The following ZNF536 variants were observed in gnomAD, a reference collection of about 807,000 sequenced individuals.
ZNF536 encodes zinc finger protein 536.
ZNF536 carries 13 observed loss-of-function variants against 84.5 expected under a neutral mutation model. The observed-to-expected ratio is 0.15, with a 90% CI of 0.10 to 0.24. ZNF536 has a LOEUF of 0.24. Among genes scored for constraint, ZNF536 ranks in the 10% least tolerant of loss-of-function variants. The pLI is 1.00. For synonymous variants in ZNF536, 811 were observed against 742.5 expected (o/e 1.09, Z -1.50); for missense variants, 1,536 against 1,747.5 (o/e 0.88, Z 2.16).
chr19:30,631,468 T>C (rs984783166), intron 1 of ZNF536, among the ~76,000 whole-genome samples: 7 of 152,214 alleles, frequency 4.6e-5, no homozygotes, highest in African/African-American at 9.6e-5. Flanking sequence ...GGGTTGGCTT[T>C]CCAGAGCAGG....
chr19:30,288,638 T>C (rs1219720887), intron 2 of ZNF536, among the ~76,000 whole-genome samples: 1 of 152,160 alleles, frequency 6.6e-6, no homozygotes, highest in Non-Finnish European at 1.5e-5. Context: ...ATTTCCTGGG[T>C]TGGAACCCTG....
intron 2 of ZNF536, among the ~76,000 whole-genome samples, chr19:30,293,418 C>G (rs1344435644): frequency 1.3e-5 from 2 of 152,168 alleles, no homozygotes; most frequent in Non-Finnish European, 2.9e-5. Flanking sequence ...GTCCCAAGTA[C>G]TTAGGGGATG....
At chr19:30,327,394 C>T (rs1269070594) in intron 2 of ZNF536, among the ~76,000 whole-genome samples, 1 of 152,176 alleles carries the variant, frequency 6.6e-6, no homozygotes, top group Non-Finnish European at 1.5e-5. Context: ...CCAGGCTCTT[C>T]TCTGTGAACA....
At chr19:30,587,459 C>A (rs2047133636) in intron 1 of ZNF536, among the ~76,000 whole-genome samples, 1 of 152,200 alleles carries the variant, frequency 6.6e-6, no homozygotes, top group Non-Finnish European at 1.5e-5. Flanking sequence ...GTCTCCATCA[C>A]CCATGGTGAA....
Position 30,659,782 on chromosome 19 carries a change from G to T in ZNF536, c.170-50975G>T, listed in dbSNP as rs73031161. Among the ~76,000 whole-genome samples the T allele has an allele frequency of 7.6e-3, 1,132 of 148,516 alleles. 10 individuals are homozygous for T. Among genetic ancestry groups the T allele is most frequent in the Non-Finnish European group, 0.012 (837 of 68,000 alleles). ...ATTATTACAATTTGAGGTGAAATTT[G>T]GGTGGGGACACAGCCAAACCATGTC... On this transcript the variant is annotated intron_variant, in intron 1 of 1. Transcript: ENST00000592773.
chr19:30,246,528 C>T (rs1167615546), intron 1 of ZNF536, among the ~76,000 whole-genome samples: 1 of 152,180 alleles, frequency 6.6e-6, no homozygotes, highest in Non-Finnish European at 1.5e-5. Context: ...CAGAATTGTT[C>T]TTTTTCTTCC....
At position 30,277,335 on chromosome 19, in the gene ZNF536, C is replaced by T. The variant is rs781223180; in HGVS notation, c.-189-6737C>T. ...TGTAAAAATACATGCACAGGGCAGG[C>T]GAGCTGATGAGAGGAAGCCTCTCCA... On this transcript the variant is annotated intron_variant, in intron 1 of 5. Transcript: ENST00000585628. Among the ~76,000 whole-genome samples the T allele has an allele frequency of 6.6e-5, 10 of 152,038 alleles. No individual in the cohort carries two copies. In the East Asian group the frequency reaches 1.4e-3, roughly 21 times the overall value.
At position 30,557,677 on chromosome 19, in the gene ZNF536, A is replaced by G. The variant is rs2046013504; in HGVS notation, c.*513A>G. On this transcript the variant is annotated 3_prime_UTR_variant, in exon 5 of 5. Transcript: ENST00000355537. Reference sequence around the variant, plus strand: ...CTTTCTCCATAGTATTTAAGCAGAAATATTGCTAGTTTAATATTGTGTCAG... The same window carrying G: ...CTTTCTCCATAGTATTTAAGCAGAAGTATTGCTAGTTTAATATTGTGTCAG... 1 of 152,404 alleles carries G rather than the reference A, an allele frequency of 6.6e-6. No homozygotes were observed. Among genetic ancestry groups the G allele is most frequent in the South Asian group, 2.1e-4 (1 of 4,832 alleles). The allele number at this position is 152,404 out of a possible 1,614,324, so 9.4% of individuals were successfully genotyped here. A position where few individuals can be genotyped will look rare whatever the true frequency, so the allele number is the denominator to read the frequency against.
intron 2 of ZNF536, among the ~76,000 whole-genome samples, chr19:30,487,355 T>C (rs1279684867): frequency 6.6e-6 from 1 of 152,164 alleles, no homozygotes; most frequent in African/African-American, 2.4e-5. Flanking sequence ...TTTACAATGA[T>C]GGTTTTCAGG....
chr19:30,562,782 C>G (rs1490711820), downstream of ZNF536, among the ~76,000 whole-genome samples: 1 of 151,838 alleles, frequency 6.6e-6, no homozygotes, highest in African/African-American at 2.4e-5. Flanking sequence ...TCACGGGGCA[C>G]GGAAGCAGTT....
chr19:30,440,179 G>A (rs2051968928), intron 1 of ZNF536, among the ~76,000 whole-genome samples: 1 of 151,590 alleles, frequency 6.6e-6, no homozygotes, highest in East Asian at 1.9e-4. Flanking sequence ...CAGGCTGATC[G>A]CGAACTCCTG....
At chr19:30,313,688 C>T (rs1167477270) in intron 2 of ZNF536, among the ~76,000 whole-genome samples, 5 of 152,316 alleles carry the variant, frequency 3.3e-5, no homozygotes, top group Admixed American at 2.0e-4. Context: ...CTGCCCACCC[C>T]GACTGTGGTT....
chr19:30,627,074 T>C (rs1006072626), intron 1 of ZNF536, among the ~76,000 whole-genome samples: 1 of 152,124 alleles, frequency 6.6e-6, no homozygotes, highest in African/African-American at 2.4e-5. Flanking sequence ...GGCTCCTTCC[T>C]GAGCCTGGAA....
intron 2 of ZNF536, among the ~76,000 whole-genome samples, chr19:30,327,239 A>G (rs1296996138): frequency 1.3e-5 from 2 of 152,206 alleles, no homozygotes; most frequent in Non-Finnish European, 2.9e-5. Context: ...AAATTAATCC[A>G]GGAGGAGTGC....
chr19:30,333,358 T>A (rs986385916), intron 2 of ZNF536, among the ~76,000 whole-genome samples: 16 of 152,268 alleles, frequency 1.1e-4, no homozygotes, highest in Admixed American at 7.8e-4. Context: ...GATTCTGTCC[T>A]CTCTGTCCCT....
intron 3 of ZNF536, among the ~76,000 whole-genome samples, chr19:30,538,018 C>T (rs1290002344): frequency 6.6e-6 from 1 of 152,158 alleles, no homozygotes; most frequent in African/African-American, 2.4e-5. Flanking sequence ...TTATAAATCA[C>T]CCAAATAAAC....
At chr19:30,252,929 C>T (rs1299022812) in intron 1 of ZNF536, among the ~76,000 whole-genome samples, 1 of 152,152 alleles carries the variant, frequency 6.6e-6, no homozygotes, top group Non-Finnish European at 1.5e-5. Flanking sequence ...CATTTTAACT[C>T]CATTTATTTT....
chr19:30,619,677 T>C (rs1034437328), intron 1 of ZNF536, among the ~76,000 whole-genome samples: 8 of 152,226 alleles, frequency 5.3e-5, no homozygotes, highest in Non-Finnish European at 2.9e-5. Flanking sequence ...TTCCCTGTAG[T>C]ATTTTTCACA....
At chr19:30,676,528 CA>C (rs2050758768) in intron 1 of ZNF536, among the ~76,000 whole-genome samples, 1 of 152,176 alleles carries the variant, frequency 6.6e-6, no homozygotes, top group Non-Finnish European at 1.5e-5. Flanking sequence ...GAAGGTAACA[CA>C]AAATATGATT....
Sources: allele counts gnomAD v4.1 joint callset (sites outside exome capture counted in the v4.1 genomes callset), GRCh38; gene constraint gnomAD v4.1.1; transcripts MANE v1.5; gene names NCBI Gene and HGNC (gene_info 2026-07-23, HGNC 2026-07-21).